The following MYBPC3 variants were observed in gnomAD, a reference collection of about 807,000 sequenced individuals.
MYBPC3 encodes the protein myosin-binding protein C, cardiac-type.
In MYBPC3, 108 loss-of-function variants were observed where a neutral mutation model predicts 159.3. The observed-to-expected ratio is 0.68, with a 90% confidence interval of 0.58 to 0.80. MYBPC3 has a LOEUF of 0.80. Ranked by LOEUF, MYBPC3 falls within the 30% of genes least tolerant of loss-of-function variation. MYBPC3 has a pLI of 0.00. For missense variants in MYBPC3, 1,631 were observed against 1,762.1 expected, an observed-to-expected ratio of 0.93 and a Z score of 1.33; for synonymous variants, 730 against 702.0, an observed-to-expected ratio of 1.04 and a Z score of -0.63.
In MYBPC3 at chr11:47,333,698, C is replaced by T. The variant is rs368180702; in HGVS notation, c.3049G>A (p.Glu1017Lys). The T allele has an allele frequency of 1.5e-4, 236 of 1,610,406 alleles. No homozygotes were observed. Among genetic ancestry groups the T allele is most frequent in the Middle Eastern group, 1.6e-4 (1 of 6,074 alleles). The part of the protein sequence containing the change: ...WTKEGQPLAG[E>K]EVSIRNSPTD... The stretch of plus-strand genomic sequence containing the variant: ...GGGCTGTTGCGGATGCTCACCTCCT[C>T]GCCTGCCAGGGGCTGCCCCTCTTTG... Residue 1017 changes from glutamate to lysine, a missense_variant, in exon 29 of 35, where the codon GAG becomes AAG. Coordinates refer to ENST00000545968, the MANE Select transcript of MYBPC3 (RefSeq NM_000256.3).
intron 12 of MYBPC3, 91 bp from the exon 13 acceptor site, chr11:47,343,715 C>T: frequency 7.3e-7 from 1 of 1,368,560 alleles, no homozygotes; most frequent in Non-Finnish European, 9.8e-7. Context: ...GGCCCAGGTC[C>T]CCCCCTCCAA....
At position 47,338,654 on chromosome 11, in the gene MYBPC3, A is replaced by G; in HGVS notation, c.2174T>C (p.Val725Ala). The change falls in exon 23 of 35, where the codon GTC becomes GCC. Residue 725 changes from valine (V) to alanine (A), a missense_variant. Transcript: ENST00000545968. This position sits in a 1 kb window ranked among gnomAD's most constrained non-coding sequence, Gnocchi z 4.7. The part of the protein sequence containing the change: ...KKLLCETEGR[V>A]RVETTKDRSI... ...GCGGTCCTTGGTGGTCTCCACGCGG[A>G]CCCGGCCCTCGGTCTCACACAGCAG... 2 of 1,613,168 alleles carry G rather than the reference A, an allele frequency of 1.2e-6. No individual in the cohort carries two copies. Among genetic ancestry groups the G allele is most frequent in the Non-Finnish European group, 1.7e-6 (2 of 1,179,636 alleles).
Position 47,332,533 on chromosome 11 carries a change from G to T in MYBPC3, c.3627+33C>A. ...TCGGGGCCTGTGAGCCCTGCCTCCT[G>T]GTCGGCCTGGACCAGCGCCTAAAGT... On this transcript the variant is annotated intron_variant, in intron 32 of 34. Coordinates refer to ENST00000545968, the MANE Select transcript of MYBPC3 (RefSeq NM_000256.3). The surrounding 1 kb of genome is among the most constrained non-coding windows in gnomAD (Gnocchi z 4.2). 1 of 1,589,552 alleles carries T rather than the reference G, an allele frequency of 6.3e-7. No individual in the cohort carries two copies. The highest frequency in any genetic ancestry group is 8.6e-7 in the Non-Finnish European group (1 of 1,164,818).
intron 26 of MYBPC3, 56 bp downstream of exon 26, chr11:47,335,821 G>C (rs2095881630): frequency 7.4e-7 from 1 of 1,346,572 alleles, no homozygotes; most frequent in Admixed American, 3.2e-5. Flanking sequence ...TCTGCTCAAT[G>C]GCAAGGTGAG....
At position 47,332,149 on chromosome 11, in the gene MYBPC3, A is replaced by G. The variant is rs786204361; in HGVS notation, c.3737T>C (p.Phe1246Ser). ...LTLEIRKPCP[F>S]DGGIYVCRAT... Reference sequence around the variant, plus strand: ...CCTGCAGACATAGATGCCCCCGTCAAAGGGGCAGGGCTTTCTAATCTCCAG... The same window carrying G: ...CCTGCAGACATAGATGCCCCCGTCAGAGGGGCAGGGCTTTCTAATCTCCAG... The change falls in exon 33 of 35, where the codon TTT becomes TCT. Residue 1246 changes from phenylalanine to serine, a missense_variant. Physicochemically the swap from Phe to Ser is radical, Grantham distance 155 (BLOSUM62 -2). Coordinates refer to ENST00000545968, the MANE Select transcript of MYBPC3 (RefSeq NM_000256.3). This position sits in a 1 kb window ranked among gnomAD's most constrained non-coding sequence, Gnocchi z 4.2. 3.1e-6 allele frequency: 5 copies of G among 1,613,788 alleles called. No homozygotes were observed. The highest frequency in any genetic ancestry group is 4.2e-6 in the Non-Finnish European group (5 of 1,179,876).
chr11:47,348,907 A>AG (rs2095897321), intron 5 of MYBPC3, among the ~76,000 whole-genome samples: 1 of 1,172 alleles, frequency 8.5e-4, no homozygotes, highest in Non-Finnish European at 2.7e-3. Flanking sequence ...CCTGTCTCAA[A>AG]TTATATATAT....
chr11:47,337,736 T>G lies in MYBPC3; in HGVS notation c.2367A>C (p.Thr789=). The change falls in exon 24 of 35, where the codon ACA becomes ACC. Residue 789 remains threonine (T), a synonymous_variant. Transcript: ENST00000545968. ...KISNVGEDSC[T]VQWEPPAYDG... is the part of the protein sequence containing the mutation. ...CGTAGGCAGGCGGCTCCCACTGTAC[T>G]GTGCAGGAGTCCTCTCCCACGTTGC... The G allele has an allele frequency of 1.3e-6, 2 of 1,561,506 alleles. No homozygotes were observed. The highest frequency in any genetic ancestry group is 1.7e-6 in the Non-Finnish European group (2 of 1,152,826).
intron 8 of MYBPC3, 56 bp downstream of exon 8, chr11:47,347,595 G>C: frequency 6.4e-7 from 1 of 1,561,488 alleles, no homozygotes; most frequent in Non-Finnish European, 8.7e-7. Context: ...GCTCCCACCC[G>C]TCTCAGACCC....
chr11:47,351,404 G>T lies in MYBPC3; in HGVS notation c.127C>A (p.Gln43Lys). The T allele has an allele frequency of 6.2e-7, 1 of 1,609,862 alleles. No individual in the cohort carries two copies. The highest frequency in any genetic ancestry group is 2.2e-5 in the East Asian group (1 of 44,738). The change falls in exon 2 of 35, where the codon CAG becomes AAG. Residue 43 changes from glutamine (Q) to lysine (K), a missense_variant. Transcript: ENST00000545968. This position sits in a 1 kb window ranked among gnomAD's most constrained non-coding sequence, Gnocchi z 4.2. Reference protein sequence around the residue: ...TERAGVKVRWQRGGSDISASN... With the variant: ...TERAGVKVRWKRGGSDISASN... ...GCGCTGATGTCACTGCCTCCGCGCT[G>T]CCAGCGCACCTTCACTCCTGCCCGC... is the stretch of plus-strand genomic sequence containing the variant.
chr11:47,336,951 C>T (rs1481650075), intron 25 of MYBPC3, among the ~76,000 whole-genome samples: 1 of 152,242 alleles, frequency 6.6e-6, no homozygotes. Context: ...CCACTAACTA[C>T]AGCCCTTGCC....
chr11:47,335,139 C>T lies in MYBPC3; in HGVS notation c.2808G>A (p.Thr936=), dbSNP rs370530334. 4.5e-5 allele frequency: 72 copies of T among 1,612,732 alleles called. No individual in the cohort carries two copies. The Admixed American group carries it at 9.3e-4, about 21-fold the overall frequency. ...HTSILVKDLP[T]GARLLFRVRA... Reference sequence around the variant, plus strand: ...GCACTCGGAAAAGCAGCCGGGCCCCCGTGGGCAGGTCCTTCACCAGTATCG... The same window carrying T: ...GCACTCGGAAAAGCAGCCGGGCCCCTGTGGGCAGGTCCTTCACCAGTATCG... The change falls in exon 27 of 35, where the codon ACG becomes ACA. Residue 936 remains threonine (T), a synonymous_variant. Coordinates refer to ENST00000545968, the MANE Select transcript of MYBPC3 (RefSeq NM_000256.3).
intron 20 of MYBPC3, 75 bp downstream of exon 20, chr11:47,340,928 G>C: frequency 1.4e-6 from 2 of 1,416,000 alleles, no homozygotes; most frequent in Non-Finnish European, 1.9e-6. Context: ...TTCCCTCTGT[G>C]AGTGGAGGGG....
At chr11:47,335,774 G>A (rs1176971962) in intron 26 of MYBPC3, 103 bp downstream of exon 26, 19 of 1,077,896 alleles carry the variant, frequency 1.8e-5, no homozygotes, top group South Asian at 9.6e-5. Context: ...CTCAACTTTC[G>A]GCAAAAGTGG....
rs187705120 is a variant in MYBPC3, at chr11:47,332,891, C to T, written c.3413G>A (p.Arg1138His). The T allele has an allele frequency of 5.3e-4, 851 of 1,608,202 alleles. 4 individuals are homozygous for T. The highest frequency in any genetic ancestry group is 1.0e-4 in the Non-Finnish European group (123 of 1,177,622). ...ELIIGNGYYF[R>H]VFSQNMVGFS... is the part of the protein sequence containing the mutation. ...GCCAACCATATTCTGGCTGAAGACG[C>T]GGAAGTAGTAGCCATTGCCAATGAT... Residue 1138 changes from arginine to histidine, a missense_variant, in exon 31 of 35, where the codon CGC becomes CAC. Coordinates refer to ENST00000545968, the MANE Select transcript of MYBPC3 (RefSeq NM_000256.3). This position sits in a 1 kb window ranked among gnomAD's most constrained non-coding sequence, Gnocchi z 4.2.
intron 5 of MYBPC3, 63 bp from the exon 6 acceptor site, chr11:47,348,604 C>T: frequency 1.5e-6 from 2 of 1,341,362 alleles, no homozygotes; most frequent in South Asian, 1.3e-5. Context: ...GGCTCCGCAC[C>T]CTTAAAGGAG....
rs564154531 is a variant in MYBPC3 at position 47,338,276 on chromosome 11, T to C, written c.2308+244A>G. 6.6e-6 allele frequency among the ~76,000 whole-genome samples: 1 copy of C among 152,278 alleles called. No homozygotes were observed. Among genetic ancestry groups the C allele is most frequent in the Admixed American group, 6.5e-5 (1 of 15,290 alleles). ...CCCAGGCACAGGGATGGCTCTCTGC[T>C]CAGTGCTCCCACGGCACTCTGGACA... On this transcript the variant is annotated intron_variant, in intron 23 of 34. Transcript: ENST00000545968. This position sits in a 1 kb window ranked among gnomAD's most constrained non-coding sequence, Gnocchi z 4.7.
At chr11:47,349,180 T>C (rs1366418540) in intron 5 of MYBPC3, among the ~76,000 whole-genome samples, 1 of 151,482 alleles carries the variant, frequency 6.6e-6, no homozygotes, top group East Asian at 1.9e-4. Flanking sequence ...AAGCAGAGGC[T>C]TGGAGTGAAC....
In MYBPC3 at chr11:47,333,582, C is replaced by T. The variant is rs779257107; in HGVS notation, c.3165G>A (p.Lys1055=). The T allele has an allele frequency of 1.2e-6, 2 of 1,601,072 alleles. No individual in the cohort carries two copies. Among genetic ancestry groups the T allele is most frequent in the South Asian group, 1.1e-5 (1 of 91,096 alleles). The part of the protein sequence containing the change: ...VTVRIENMED[K]ATLVLQVVDK... ...CAACAACCTGCAGCACCAGCGTGGC[C>T]TTGTCCTCCATGTTCTCAATGCGCA... Residue 1055 remains lysine, a synonymous_variant, in exon 29 of 35, where the codon AAG becomes AAA. Transcript: ENST00000545968.
rs1384644997 is a variant in MYBPC3, at chr11:47,338,673, A to G, written c.2155T>C (p.Cys719Arg). The change falls in exon 23 of 35, where the codon TGT (cysteine) becomes CGT (arginine). Residue 719 changes from cysteine (C) to arginine (R), a missense_variant. Coordinates refer to ENST00000545968, the MANE Select transcript of MYBPC3 (RefSeq NM_000256.3). This position sits in a 1 kb window ranked among gnomAD's most constrained non-coding sequence, Gnocchi z 4.7. ...DEWVFDKKLL[C>R]ETEGRVRVET... Reference sequence around the variant, plus strand: ...ACGCGGACCCGGCCCTCGGTCTCACACAGCAGCTGGGGGGGTGCAGAGTTG... The same window carrying G: ...ACGCGGACCCGGCCCTCGGTCTCACGCAGCAGCTGGGGGGGTGCAGAGTTG... 4 of 1,611,028 alleles carry G rather than the reference A, an allele frequency of 2.5e-6. No homozygotes were observed. In the East Asian group the frequency reaches 8.9e-5, roughly 36 times the overall value.
Sources: allele counts gnomAD v4.1 joint callset (sites outside exome capture counted in the v4.1 genomes callset), GRCh38; gene constraint gnomAD v4.1.1; non-coding constraint Gnocchi (gnomAD v3.1); transcripts MANE v1.5; gene names NCBI Gene and HGNC (gene_info 2026-07-23, HGNC 2026-07-21).